Variants in PDE1A observed in about 807,000 individuals in gnomAD.
PDE1A encodes the protein dual specificity calcium/calmodulin-dependent 3',5'-cyclic nucleotide phosphodiesterase 1A.
Under a neutral mutation model 61.7 loss-of-function variants are expected in PDE1A, and 35 were observed. That is an observed-to-expected ratio of 0.57 (90% CI 0.43 to 0.75). The LOEUF is 0.75. Ranked by LOEUF, PDE1A falls within the 30% of genes least tolerant of loss-of-function variation. The pLI is 0.00. For missense variants in PDE1A, 597 were observed against 630.6 expected (o/e 0.95, Z 0.57); for synonymous variants, 232 against 213.2 (o/e 1.09, Z -0.77).
At chr2:182,325,131 A>T (rs1696957149) in intron 1 of PDE1A, among the ~76,000 whole-genome samples, 1 of 152,188 alleles carries the variant, frequency 6.6e-6, no homozygotes, top group South Asian at 2.1e-4. Flanking sequence ...AAAAATGGTA[A>T]TAAATTCAGG....
chr2:182,196,651 G>A (rs1441477542), intron 10 of PDE1A, among the ~76,000 whole-genome samples: 1 of 151,734 alleles, frequency 6.6e-6, no homozygotes, highest in Non-Finnish European at 1.5e-5. Flanking sequence ...GGCACCTACT[G>A]TTCTGATTTC....
At chr2:182,278,522 G>T (rs1214788293) in intron 1 of PDE1A, among the ~76,000 whole-genome samples, 1 of 147,256 alleles carries the variant, frequency 6.8e-6, no homozygotes, top group African/African-American at 2.5e-5. Context: ...CATATGAGTG[G>T]TTTATAAGTC....
At chr2:182,551,575 T>C in the PDE1A span, among the ~76,000 whole-genome samples, 1 of 152,184 alleles carries the variant, frequency 6.6e-6, no homozygotes, top group African/African-American at 2.4e-5. Flanking sequence ...CAGCCACCAC[T>C]TCAGAGGGCT....
At chr2:182,205,990 C>G (rs1319770178) in exon 8 of PDE1A, 2 of 1,611,800 alleles carry the variant, frequency 1.2e-6, no homozygotes, top group Non-Finnish European at 8.5e-7. Context: ...CTTCTTCTTG[C>G]ATAAGTCGAT....
chr2:182,162,967 C>A (rs143817525), downstream of PDE1A, among the ~76,000 whole-genome samples: 247 of 152,272 alleles, frequency 1.6e-3, no homozygotes, highest in Middle Eastern at 3.4e-3. Flanking sequence ...ATTAGAACTG[C>A]CTGTACCTAA....
At chr2:182,645,211 C>CA in the PDE1A span, among the ~76,000 whole-genome samples, 1 of 152,148 alleles carries the variant, frequency 6.6e-6, no homozygotes, top group African/African-American at 2.4e-5. Flanking sequence ...TGATCTCTAT[C>CA]TCCTGACCTC....
intron 1 of PDE1A, among the ~76,000 whole-genome samples, chr2:182,414,717 G>T (rs1479129160): frequency 6.6e-6 from 1 of 152,158 alleles, no homozygotes; most frequent in African/African-American, 2.4e-5. Context: ...TTAGCTCAGT[G>T]TTGACATTGC....
chr2:182,374,677 A>T (rs1408819904), intron 1 of PDE1A, among the ~76,000 whole-genome samples: 11 of 152,220 alleles, frequency 7.2e-5, no homozygotes, highest in Non-Finnish European at 1.2e-4. Flanking sequence ...TAAACACTTC[A>T]CAAAATAAGA....
At chr2:182,344,510 T>G (rs1698393962) in intron 1 of PDE1A, among the ~76,000 whole-genome samples, 1 of 152,156 alleles carries the variant, frequency 6.6e-6, no homozygotes, top group Admixed American at 6.6e-5. Context: ...CGACTCATCT[T>G]GGCTTTTTTT....
intron 2 of PDE1A, among the ~76,000 whole-genome samples, chr2:182,263,934 C>T (rs1692413041): frequency 2.0e-5 from 3 of 152,108 alleles, no homozygotes; most frequent in Admixed American, 2.0e-4. Context: ...GGGACTCTGA[C>T]ATTTGAGATA....
At chr2:182,515,012 A>AT (rs1198112445) in intron 2 of PDE1A, among the ~76,000 whole-genome samples, 1 of 152,152 alleles carries the variant, frequency 6.6e-6, no homozygotes, top group Non-Finnish European at 1.5e-5. Context: ...TGATATTTTG[A>AT]TTTTCATCTA....
chr2:182,140,953 T>C (rs1424065729), exon 15 of PDE1A: 1 of 150,048 alleles, frequency 6.7e-6, no homozygotes, highest in Non-Finnish European at 1.5e-5. Flanking sequence ...AACTTTTTTT[T>C]CTTTTTTTTT....
the PDE1A span, among the ~76,000 whole-genome samples, chr2:182,655,283 T>C: frequency 1.1e-4 from 16 of 152,262 alleles, no homozygotes; most frequent in African/African-American, 3.6e-4. Flanking sequence ...CAATACTCTG[T>C]CTAAAGGTTC....
chr2:182,181,512 C>G (rs570483762), intron 13 of PDE1A, among the ~76,000 whole-genome samples: 7 of 152,194 alleles, frequency 4.6e-5, no homozygotes, highest in Non-Finnish European at 1.0e-4. Context: ...TGGGAGGTCT[C>G]TCCCAGTCAA....
the PDE1A span, among the ~76,000 whole-genome samples, chr2:182,565,983 C>T: frequency 6.6e-6 from 1 of 152,148 alleles, no homozygotes; most frequent in Admixed American, 6.5e-5. Flanking sequence ...TTGGATCAGA[C>T]ATGTAGACAC....
At chr2:182,491,265 T>C (rs896567656) in intron 2 of PDE1A, among the ~76,000 whole-genome samples, 4 of 152,142 alleles carry the variant, frequency 2.6e-5, no homozygotes, top group African/African-American at 9.7e-5. Flanking sequence ...CATGAAATGA[T>C]CAGAGTGGAA....
At chr2:182,355,444 T>C (rs1699123082) in intron 1 of PDE1A, among the ~76,000 whole-genome samples, 1 of 151,942 alleles carries the variant, frequency 6.6e-6, no homozygotes. Context: ...TTTTATGCTA[T>C]TTTGATTTCA....
intron 1 of PDE1A, among the ~76,000 whole-genome samples, chr2:182,292,311 A>C (rs1694590974): frequency 6.6e-6 from 1 of 152,024 alleles, no homozygotes; most frequent in African/African-American, 2.4e-5. Flanking sequence ...TTCAACAATT[A>C]AGCTTCTGAG....
At chr2:182,507,200 T>C (rs1336445894) in intron 2 of PDE1A, among the ~76,000 whole-genome samples, 1 of 151,418 alleles carries the variant, frequency 6.6e-6, no homozygotes, top group Non-Finnish European at 1.5e-5. Flanking sequence ...CAGTAATAGG[T>C]AGAAAAAAAA....
Sources: allele counts gnomAD v4.1 joint callset (sites outside exome capture counted in the v4.1 genomes callset), GRCh38; gene constraint gnomAD v4.1.1; transcripts MANE v1.5; gene names NCBI Gene and HGNC (gene_info 2026-07-23, HGNC 2026-07-21).